FEZF2: variants seen among roughly 807,000 people sequenced by gnomAD.
FEZF2 encodes fez family zinc finger protein 2.
FEZF2 carries 2 observed loss-of-function variants against 32.8 expected under a neutral mutation model. That is an observed-to-expected ratio of 0.06 (90% CI 0.02 to 0.19). The LOEUF is 0.19. Among genes scored for constraint, FEZF2 ranks in the 10% least tolerant of loss-of-function variants. The pLI is 1.00. For missense variants in FEZF2, 516 were observed against 625.4 expected (o/e 0.83, Z 1.87); for synonymous variants, 322 against 284.8 (o/e 1.13, Z -1.32).
chr3:62,370,076 G>C lies in FEZF2; in HGVS notation c.*7C>G. Reference sequence around the variant, plus strand: ...CAGGGAGGGAAGGAAGGGCAAGGCAGTAGCTCTCAGCTCTGCACTGTCCTA... The same window carrying C: ...CAGGGAGGGAAGGAAGGGCAAGGCACTAGCTCTCAGCTCTGCACTGTCCTA... On this transcript the variant is annotated 3_prime_UTR_variant, in exon 5 of 5. Coordinates refer to ENST00000283268, the MANE Select transcript of FEZF2 (RefSeq NM_018008.4). The surrounding 1 kb of genome is among the most constrained non-coding windows in gnomAD (Gnocchi z 4.2). 1.2e-6 allele frequency: 2 copies of C among 1,612,880 alleles called. No homozygotes were observed. Among genetic ancestry groups the C allele is most frequent in the Non-Finnish European group, 1.7e-6 (2 of 1,178,890 alleles).
At position 62,373,037 on chromosome 3, in the gene FEZF2, G is replaced by C. The variant is rs1442599703; in HGVS notation, c.-58-111C>G. ...CAGGGGCAAAACAAAGTGCACCCAA[G>C]GGTACCAAATTACCGCCCATTAACC... On this transcript the variant is annotated intron_variant, in intron 1 of 4. Transcript: ENST00000283268. The surrounding 1 kb of genome is among the most constrained non-coding windows in gnomAD (Gnocchi z 5.5). The C allele has an allele frequency of 1.7e-6, 1 of 584,558 alleles. No individual in the cohort carries two copies. The highest frequency in any genetic ancestry group is 2.5e-6 in the Non-Finnish European group (1 of 394,178). The allele number at this position is 584,558 out of a possible 1,614,324, so 36.2% of individuals were successfully genotyped here. A position where few individuals can be genotyped will look rare whatever the true frequency, so the allele number is the denominator to read the frequency against.
Position 62,372,365 on chromosome 3 carries a change from C to T in FEZF2, c.504G>A (p.Ser168=), listed in dbSNP as rs757565474. 1.9e-6 allele frequency: 3 copies of T among 1,609,914 alleles called. No homozygotes were observed. The highest frequency in any genetic ancestry group is 1.3e-5 in the African/African-American group (1 of 74,906). ...NQAVGLPASG[S]LYYFNYLDST... is the part of the protein sequence containing the mutation. ...AGTCCAGGTAGTTGAAGTAGTAGAG[C>T]GAGCCGCTGGCCGGCAGCCCCACAG... Residue 168 remains serine (S), a synonymous_variant, in exon 2 of 5, where the codon TCG becomes TCA. Coordinates refer to ENST00000283268, the MANE Select transcript of FEZF2 (RefSeq NM_018008.4). This position sits in a 1 kb window ranked among gnomAD's most constrained non-coding sequence, Gnocchi z 9.6.
rs999926126 is a variant in FEZF2 at position 62,369,988 on chromosome 3, A to G, written c.*95T>C. The G allele has an allele frequency of 1.5e-5, 21 of 1,361,776 alleles. No homozygotes were observed. The highest frequency in any genetic ancestry group is 1.9e-5 in the Non-Finnish European group (19 of 1,022,844). The allele number at this position is 1,361,776 out of a possible 1,614,324, so 84.4% of individuals were successfully genotyped here. On this transcript the variant is annotated 3_prime_UTR_variant, in exon 5 of 5. Coordinates refer to ENST00000283268, the MANE Select transcript of FEZF2 (RefSeq NM_018008.4). This position sits in a 1 kb window ranked among gnomAD's most constrained non-coding sequence, Gnocchi z 4.2. Reference sequence around the variant, plus strand: ...ATAAATAGATTTTAGCCTCTCTGCTATAGTTTTTTTTTCTTTTAATTTTAG... The same window carrying G: ...ATAAATAGATTTTAGCCTCTCTGCTGTAGTTTTTTTTTCTTTTAATTTTAG...
In FEZF2 at chr3:62,370,859, G is replaced by T. The variant is rs1704259407; in HGVS notation, c.1120+358C>A. Among the ~76,000 whole-genome samples, 1 of 152,182 alleles carries T rather than the reference G, an allele frequency of 6.6e-6. No individual in the cohort carries two copies. Among genetic ancestry groups the T allele is most frequent in the Non-Finnish European group, 1.5e-5 (1 of 68,032 alleles). On this transcript the variant is annotated intron_variant, in intron 4 of 4. Coordinates refer to ENST00000283268, the MANE Select transcript of FEZF2 (RefSeq NM_018008.4). This position sits in a 1 kb window ranked among gnomAD's most constrained non-coding sequence, Gnocchi z 4.2. ...CCCAATCTTAGATTGTTCCCGGGAG[G>T]GTTATTTTGCCTCCAATATTTTTCA...
rs760225155 is a variant in FEZF2, at chr3:62,372,539, A to ACCG, written c.327_329dup (p.Gly117dup). ...GGGCCCCCCCGCCGCCGCCGCCGCC[A>ACCG]CCGCCGCCGCCGCCTCCGCCGCCGC... On this transcript the variant is annotated inframe_insertion, in exon 2 of 5. Coordinates refer to ENST00000283268, the MANE Select transcript of FEZF2 (RefSeq NM_018008.4). This position sits in a 1 kb window ranked among gnomAD's most constrained non-coding sequence, Gnocchi z 9.6. 61 of 1,303,172 alleles carry ACCG rather than the reference A, an allele frequency of 4.7e-5. No individual in the cohort carries two copies. The highest frequency in any genetic ancestry group is 1.5e-4 in the Admixed American group (4 of 26,506). 80.7% of individuals were successfully genotyped at this position (1,303,172 alleles called of 1,614,324 possible).
Position 62,373,138 on chromosome 3 carries a change from A to ACC in FEZF2, c.-59+140_-59+141insGG. On this transcript the variant is annotated intron_variant, in intron 1 of 4. Coordinates refer to ENST00000283268, the MANE Select transcript of FEZF2 (RefSeq NM_018008.4). This position sits in a 1 kb window ranked among gnomAD's most constrained non-coding sequence, Gnocchi z 5.5. ...AAGAAGGGGGAGGGTTTACAAAAGAAAAGGGGGGGGGCGGTGAGAAAAGAG... is the reference window on the plus strand; with the variant it reads ...AAGAAGGGGGAGGGTTTACAAAAGAACCAAGGGGGGGGGCGGTGAGAAAAGAG... 5.3e-6 allele frequency: 1 copy of ACC among 187,550 alleles called. No individual in the cohort carries two copies. The highest frequency in any genetic ancestry group is 1.1e-5 in the Non-Finnish European group (1 of 92,768). 11.6% of individuals were successfully genotyped at this position (187,550 alleles called of 1,614,324 possible).
At position 62,371,576 on chromosome 3, in the gene FEZF2, C is replaced by T; in HGVS notation, c.944G>A (p.Arg315His). 1 of 1,613,832 alleles carries T rather than the reference C, an allele frequency of 6.2e-7. No homozygotes were observed. Among genetic ancestry groups the T allele is most frequent in the Non-Finnish European group, 8.5e-7 (1 of 1,179,962 alleles). Residue 315 changes from arginine (R) to histidine (H), a missense_variant, in exon 3 of 5, where the codon CGC (arginine) becomes CAC (histidine). By Grantham distance (29) the Arg-to-His change is conservative (BLOSUM62 0). Transcript: ENST00000283268. ...GTGCCTGCAGAGCGTGCTGGCCTGG[C>T]GAAAGCCTTTGCCGCAGACTTTGCA... is the stretch of plus-strand genomic sequence containing the variant. ...FVCKVCGKGF[R>H]QASTLCRHKI...
At chr3:62,371,053 G>C (rs545461806) in intron 4 of FEZF2, among the ~76,000 whole-genome samples, 164 bp downstream of exon 4, 26 of 152,170 alleles carry the variant, frequency 1.7e-4, no homozygotes, top group Non-Finnish European at 3.4e-4. Context: ...CCCGCTAGGA[G>C]AGCTTCCCCC....
In FEZF2 at chr3:62,372,472, C is replaced by G. The variant is rs1456475691; in HGVS notation, c.397G>C (p.Val133Leu). Residue 133 changes from valine to leucine, a missense_variant, in exon 2 of 5, where the codon GTG (valine) becomes CTG (leucine). By Grantham distance (32) the Val-to-Leu change is conservative (BLOSUM62 1). This residue lies in a region of FEZF2 where 408 missense variants were observed against 382.2 expected (regional missense o/e 1.07). Coordinates refer to ENST00000283268, the MANE Select transcript of FEZF2 (RefSeq NM_018008.4). The surrounding 1 kb of genome is among the most constrained non-coding windows in gnomAD (Gnocchi z 9.6). ...ASGLCKTNCG[V>L]CCKAELGLAP... ...AGGCCCAGCTCGGCCTTGCAGCACA[C>G]GCCACAGTTGGTTTTGCACAAGCCG... 6.3e-7 allele frequency: 1 copy of G among 1,590,622 alleles called. No homozygotes were observed. The highest frequency in any genetic ancestry group is 1.1e-5 in the South Asian group (1 of 88,636).
rs777933591 is a variant in FEZF2, at chr3:62,372,271, C to T, written c.598G>A (p.Ala200Thr). Reference protein sequence around the residue: ...LFPSGLLNAQAPAALAAHPKL... With the variant: ...LFPSGLLNAQTPAALAAHPKL... ...GGGTGAGCAGCCAGGGCGGCGGGGG[C>T]CTGCGCATTGAGGAGGCCAGACGGG... Residue 200 changes from alanine to threonine, a missense_variant, in exon 2 of 5, where the codon GCC (alanine) becomes ACC (threonine). Ala to Thr is a moderately conservative substitution (Grantham distance 58). Transcript: ENST00000283268. This position sits in a 1 kb window ranked among gnomAD's most constrained non-coding sequence, Gnocchi z 9.6. The T allele has an allele frequency of 1.3e-4, 214 of 1,592,938 alleles. No individual in the cohort carries two copies. The highest frequency in any genetic ancestry group is 1.8e-4 in the Non-Finnish European group (205 of 1,170,026).
intron 2 of FEZF2, 29 bp downstream of exon 2, chr3:62,371,988 G>T (rs773781465): frequency 1.9e-6 from 3 of 1,592,166 alleles, no homozygotes; most frequent in East Asian, 2.2e-5. Context: ...CGCCCCTCCC[G>T]GCCCCCCTCG....
At position 62,371,770 on chromosome 3, in the gene FEZF2, A is replaced by T. The variant is rs866180092; in HGVS notation, c.853-103T>A. 1.9e-5 allele frequency: 28 copies of T among 1,503,410 alleles called. No homozygotes were observed. In the African/African-American group the frequency reaches 2.9e-4, roughly 16 times the overall value. 93.1% of individuals were successfully genotyped at this position (1,503,410 alleles called of 1,614,324 possible). A position where few individuals can be genotyped will look rare whatever the true frequency, so the allele number is the denominator to read the frequency against. Reference sequence around the variant, plus strand: ...CTCCCCCAACCAACACCCCCTTCAGAAACCAGAGCCTTTTTCAGTTTGTAA... The same window carrying T: ...CTCCCCCAACCAACACCCCCTTCAGTAACCAGAGCCTTTTTCAGTTTGTAA... On this transcript the variant is annotated intron_variant, in intron 2 of 4. Transcript: ENST00000283268.
Position 62,372,011 on chromosome 3 carries a change from C to T in FEZF2, c.852+6G>A. On this transcript the variant is annotated splice_donor_region_variant and intron_variant, in intron 2 of 4. Coordinates refer to ENST00000283268, the MANE Select transcript of FEZF2 (RefSeq NM_018008.4). The surrounding 1 kb of genome is among the most constrained non-coding windows in gnomAD (Gnocchi z 9.6). ...CCGGCCCCCCTCGCCGAACCCTGGG[C>T]CTCACCTTGCCGCACACCTCGCAGG... 4 of 1,601,586 alleles carry T rather than the reference C, an allele frequency of 2.5e-6. No individual in the cohort carries two copies. Among genetic ancestry groups the T allele is most frequent in the Non-Finnish European group, 3.4e-6 (4 of 1,179,112 alleles).
Position 62,372,666 on chromosome 3 carries a change from G to A in FEZF2, c.203C>T (p.Ser68Leu). ...GAGGGGGATCATACAGGGCAGCGGC[G>A]AGCAGAGGTTGAGCAGTTTCTTGCC... Reference protein sequence around the residue: ...SQGKKLLNLCSPLPCMIPLQP... With the variant: ...SQGKKLLNLCLPLPCMIPLQP... The change falls in exon 2 of 5, where the codon TCG (serine) becomes TTG (leucine). Residue 68 changes from serine (S) to leucine (L), a missense_variant. Physicochemically the swap from Ser to Leu is moderately radical, Grantham distance 145 (BLOSUM62 -2). Transcript: ENST00000283268. The surrounding 1 kb of genome is among the most constrained non-coding windows in gnomAD (Gnocchi z 9.6). 1 of 1,607,536 alleles carries A rather than the reference G, an allele frequency of 6.2e-7. No homozygotes were observed. The highest frequency in any genetic ancestry group is 1.7e-5 in the Admixed American group (1 of 59,372).
Position 62,370,851 on chromosome 3 carries a change from C to T in FEZF2, c.1120+366G>A, listed in dbSNP as rs1018800338. ...CGGTTTCCCCCAATCTTAGATTGTTCCCGGGAGGGTTATTTTGCCTCCAAT... is the reference window on the plus strand; with the variant it reads ...CGGTTTCCCCCAATCTTAGATTGTTTCCGGGAGGGTTATTTTGCCTCCAAT... On this transcript the variant is annotated intron_variant, in intron 4 of 4. Transcript: ENST00000283268. The surrounding 1 kb of genome is among the most constrained non-coding windows in gnomAD (Gnocchi z 4.2). Among the ~76,000 whole-genome samples, 2 of 152,338 alleles carry T rather than the reference C, an allele frequency of 1.3e-5. No homozygotes were observed. Among genetic ancestry groups the T allele is most frequent in the South Asian group, 4.1e-4 (2 of 4,820 alleles).
rs1704260627 is a variant in FEZF2 at position 62,370,978 on chromosome 3, C to T, written c.1120+239G>A. Among the ~76,000 whole-genome samples, 1 of 152,214 alleles carries T rather than the reference C, an allele frequency of 6.6e-6. No homozygotes were observed. The highest frequency in any genetic ancestry group is 1.5e-5 in the Non-Finnish European group (1 of 68,048). ...ATCCTTTCCTTCTGTCCCCGTGCTT[C>T]CTTCGACCTCTCGAATTCGGAGTCT... On this transcript the variant is annotated intron_variant, in intron 4 of 4. Coordinates refer to ENST00000283268, the MANE Select transcript of FEZF2 (RefSeq NM_018008.4). The surrounding 1 kb of genome is among the most constrained non-coding windows in gnomAD (Gnocchi z 4.2).
Position 62,372,224 on chromosome 3 carries a change from G to C in FEZF2, c.645C>G (p.Asn215Lys). 1 of 1,575,916 alleles carries C rather than the reference G, an allele frequency of 6.3e-7. No homozygotes were observed. ...AAHPKLFLLE[N>K]AKLAGLAADK... ...CCGCAGCCAGGCCGGCCAGCTTGGC[G>C]TTCTCCAGCAGAAAGAGCTTGGGGT... The change falls in exon 2 of 5, where the codon AAC (asparagine) becomes AAG (lysine). Residue 215 changes from asparagine (N) to lysine (K), a missense_variant. Physicochemically the swap from Asn to Lys is moderately conservative, Grantham distance 94 (BLOSUM62 0). Coordinates refer to ENST00000283268, the MANE Select transcript of FEZF2 (RefSeq NM_018008.4). This position sits in a 1 kb window ranked among gnomAD's most constrained non-coding sequence, Gnocchi z 9.6.
rs746257480 is a variant in FEZF2 at position 62,372,533 on chromosome 3, GCCGCCA to G, written c.330_335del (p.Gly116_Gly117del). On this transcript the variant is annotated inframe_deletion, in exon 2 of 5. Coordinates refer to ENST00000283268, the MANE Select transcript of FEZF2 (RefSeq NM_018008.4). This position sits in a 1 kb window ranked among gnomAD's most constrained non-coding sequence, Gnocchi z 9.6. ...ACACTGGGGCCCCCCCGCCGCCGCC[GCCGCCA>G]CCGCCGCCGCCGCCTCCGCCGCCGC... 9.2e-6 allele frequency: 12 copies of G among 1,305,432 alleles called. No homozygotes were observed. The East Asian group carries it at 1.5e-4, about 17-fold the overall frequency. 80.9% of individuals were successfully genotyped at this position (1,305,432 alleles called of 1,614,324 possible).
chr3:62,371,735 C>T, intron 2 of FEZF2, 68 bp from the exon 3 acceptor site: 1 of 1,547,710 alleles, frequency 6.5e-7, no homozygotes, highest in Non-Finnish European at 8.7e-7. Flanking sequence ...CCGGGGGGGC[C>T]ACAGCCTACC....
Sources: gnomAD v4.1 joint callset for allele counts (sites outside exome capture counted in the v4.1 genomes callset) on GRCh38, gnomAD v4.1.1 for gene constraint, gnomAD v4.1.1 regional missense constraint, Gnocchi (gnomAD v3.1) non-coding constraint, MANE v1.5 for transcripts, NCBI Gene and HGNC (gene_info 2026-07-23, HGNC 2026-07-21) for gene names.